The following DPYSL3 variants were observed in gnomAD, a reference collection of about 807,000 sequenced individuals.
DPYSL3 encodes the protein dihydropyrimidinase-related protein 3.
In DPYSL3, 16 loss-of-function variants were observed where a neutral mutation model predicts 66.1. The observed-to-expected ratio is 0.24, with a 90% CI of 0.16 to 0.37. DPYSL3 has a LOEUF of 0.37. DPYSL3 is among the 10% of genes least tolerant of loss of function. The probability of loss-of-function intolerance (pLI) is 1.00; values close to 1 mark genes in which losing one functional copy is unlikely to be tolerated. For missense variants in DPYSL3, 738 were observed against 916.2 expected, an observed-to-expected ratio of 0.81 and a Z score of 2.51; for synonymous variants, 338 against 345.1, an observed-to-expected ratio of 0.98 and a Z score of 0.23.
In DPYSL3 at chr5:147,394,158, A is replaced by G. The variant is rs756247241; in HGVS notation, c.1967-35T>C. ...GAAATAAATTCCCAGGGGGAAAAAA[A>G]AAACAGAGTGGCGGGTAGGGGGATG... On this transcript the variant is annotated intron_variant, in intron 13 of 13. Coordinates refer to ENST00000343218, the MANE Select transcript of DPYSL3 (RefSeq NM_001197294.2). 1.2e-5 allele frequency: 19 copies of G among 1,608,526 alleles called. No homozygotes were observed. The South Asian group carries it at 1.9e-4, about 16-fold the overall frequency.
At chr5:147,497,789 C>T (rs1753542911) in intron 1 of DPYSL3, among the ~76,000 whole-genome samples, 1 of 151,902 alleles carries the variant, frequency 6.6e-6, no homozygotes, top group Non-Finnish European at 1.5e-5. Flanking sequence ...AAACCTACAG[C>T]TAACATCATA....
intron 1 of DPYSL3, among the ~76,000 whole-genome samples, chr5:147,498,838 G>A (rs141536243): frequency 1.6e-4 from 25 of 152,102 alleles, no homozygotes; most frequent in African/African-American, 6.0e-4. Flanking sequence ...TATAGATGCT[G>A]GATATTAGAC....
At chr5:147,422,996 T>TATAATA (rs1056247284) in intron 2 of DPYSL3, among the ~76,000 whole-genome samples, 1 of 151,758 alleles carries the variant, frequency 6.6e-6, no homozygotes, top group African/African-American at 2.4e-5. Flanking sequence ...GAACTTAAAG[T>TATAATA]ATAATAATAA....
Position 147,412,701 on chromosome 5 carries a change from T to A in DPYSL3, c.883-13A>T. On this transcript the variant is annotated splice_polypyrimidine_tract_variant and intron_variant, in intron 5 of 13. Coordinates refer to ENST00000343218, the MANE Select transcript of DPYSL3 (RefSeq NM_001197294.2). ...AGATCTCATAGAGCTGAAATAGAAATGAGTCTTTGTCACTCTTGCAAGCAC... is the reference window on the plus strand; with the variant it reads ...AGATCTCATAGAGCTGAAATAGAAAAGAGTCTTTGTCACTCTTGCAAGCAC... 6.2e-7 allele frequency: 1 copy of A among 1,605,610 alleles called. No individual in the cohort carries two copies. Among genetic ancestry groups the A allele is most frequent in the Non-Finnish European group, 8.5e-7 (1 of 1,175,202 alleles).
intron 1 of DPYSL3, among the ~76,000 whole-genome samples, chr5:147,454,950 A>G (rs1053529627): frequency 4.6e-5 from 7 of 152,238 alleles, no homozygotes; most frequent in African/African-American, 1.7e-4. Flanking sequence ...AACCAAAAAA[A>G]GACTTGCTAT....
At chr5:147,452,617 C>T (rs1375781256) in intron 1 of DPYSL3, among the ~76,000 whole-genome samples, 2 of 152,150 alleles carry the variant, frequency 1.3e-5, no homozygotes, top group African/African-American at 4.8e-5. Context: ...AGCGCATCAC[C>T]ACGGAATCCC....
intron 1 of DPYSL3, among the ~76,000 whole-genome samples, chr5:147,439,285 G>A (rs1284306242): frequency 1.3e-5 from 2 of 152,122 alleles, no homozygotes; most frequent in Admixed American, 6.5e-5. Context: ...TGGAGGCTGG[G>A]AAGAGAGTCT....
chr5:147,484,704 C>T (rs533128088), intron 1 of DPYSL3, among the ~76,000 whole-genome samples: 1 of 152,132 alleles, frequency 6.6e-6, no homozygotes, highest in Non-Finnish European at 1.5e-5. Flanking sequence ...GTTAAAAAAT[C>T]GAGGCATATA....
intron 2 of DPYSL3, among the ~76,000 whole-genome samples, chr5:147,423,145 T>G (rs1244328175): frequency 5.9e-5 from 9 of 152,338 alleles, no homozygotes; most frequent in Admixed American, 5.9e-4. Context: ...CTATATATAA[T>G]AATTTTTTAG....
intron 2 of DPYSL3, among the ~76,000 whole-genome samples, chr5:147,420,590 C>T (rs1752059042): frequency 6.6e-6 from 1 of 152,146 alleles, no homozygotes; most frequent in South Asian, 2.1e-4. Context: ...TGGCACATAA[C>T]AAGTATTCCA....
rs1043249446 is a variant in DPYSL3 at position 147,416,010 on chromosome 5, C to T, written c.656-137G>A. On this transcript the variant is annotated intron_variant, in intron 3 of 13. Coordinates refer to ENST00000343218, the MANE Select transcript of DPYSL3 (RefSeq NM_001197294.2). ...CATGGAATTAACTTTTGAAGGGGTT[C>T]CCTGATAGTTTCAAGAATGCTGATC... The T allele has an allele frequency of 1.1e-5, 11 of 975,634 alleles. No individual in the cohort carries two copies. The African/African-American group carries it at 1.5e-4, about 13-fold the overall frequency. 60.4% of individuals were successfully genotyped at this position (975,634 alleles called of 1,614,324 possible). A position where few individuals can be genotyped will look rare whatever the true frequency, so the allele number is the denominator to read the frequency against.
Position 147,395,731 on chromosome 5 carries a change from G to A in DPYSL3, c.1804-10C>T. The A allele has an allele frequency of 1.2e-6, 2 of 1,613,428 alleles. No individual in the cohort carries two copies. The highest frequency in any genetic ancestry group is 1.7e-6 in the Non-Finnish European group (2 of 1,179,990). Reference sequence around the variant, plus strand: ...CATGCAGGTCTGCCATCTGCAGCCAGAGAAGAGCATGTCACCATTCATTCA... The same window carrying A: ...CATGCAGGTCTGCCATCTGCAGCCAAAGAAGAGCATGTCACCATTCATTCA... On this transcript the variant is annotated splice_polypyrimidine_tract_variant and intron_variant, in intron 12 of 13. Coordinates refer to ENST00000343218, the MANE Select transcript of DPYSL3 (RefSeq NM_001197294.2).
intron 13 of DPYSL3, 71 bp downstream of exon 13, chr5:147,395,485 ACAC>A: frequency 1.3e-6 from 2 of 1,521,560 alleles, no homozygotes; most frequent in East Asian, 4.9e-5. Flanking sequence ...GTTCTGAGGA[ACAC>A]CCTGTGGCCT....
intron 1 of DPYSL3, among the ~76,000 whole-genome samples, chr5:147,467,441 A>T (rs1386026377): frequency 6.6e-6 from 1 of 152,208 alleles, no homozygotes; most frequent in South Asian, 2.1e-4. Flanking sequence ...AAAATGAAGG[A>T]AACCTGCCCA....
intron 1 of DPYSL3, among the ~76,000 whole-genome samples, chr5:147,474,959 G>A (rs574569458): frequency 2.4e-4 from 36 of 151,966 alleles, no homozygotes; most frequent in Non-Finnish European, 4.0e-4. Context: ...TTAAAGGAGA[G>A]TATGTATGAA....
chr5:147,510,018 C>T lies in DPYSL3; in HGVS notation c.-160G>A, dbSNP rs1474586526. ...TGCTCCGATTCCTGCTTGTCCCTAG[C>T]GAGCCAGCGAGCCACACAGCCAGCT... On this transcript the variant is annotated 5_prime_UTR_variant, in exon 1 of 14. Transcript: ENST00000343218. 1 of 1,202,714 alleles carries T rather than the reference C, an allele frequency of 8.3e-7. No individual in the cohort carries two copies. Among genetic ancestry groups the T allele is most frequent in the Non-Finnish European group, 1.1e-6 (1 of 899,178 alleles). 74.5% of individuals were successfully genotyped at this position (1,202,714 alleles called of 1,614,324 possible). A position where few individuals can be genotyped will look rare whatever the true frequency, so the allele number is the denominator to read the frequency against.
chr5:147,407,909 T>G (rs1751741832), intron 7 of DPYSL3, among the ~76,000 whole-genome samples: 1 of 152,208 alleles, frequency 6.6e-6, no homozygotes, highest in Non-Finnish European at 1.5e-5. Flanking sequence ...ATCTGGTTTG[T>G]GAAAATTCAT....
intron 12 of DPYSL3, 83 bp downstream of exon 12, chr5:147,397,583 T>C (rs1415554137): frequency 1.0e-5 from 14 of 1,386,832 alleles, no homozygotes; most frequent in African/African-American, 1.4e-5. Context: ...GAGATCACAG[T>C]GCCCTGTGTT....
chr5:147,410,457 C>T (rs76786382), intron 6 of DPYSL3, among the ~76,000 whole-genome samples: 2,972 of 152,210 alleles, frequency 0.02, 95 homozygotes, highest in African/African-American at 0.068. Flanking sequence ...AGTAAAGCCC[C>T]ACTGATGCTA....
Sources: allele counts gnomAD v4.1 joint callset (sites outside exome capture counted in the v4.1 genomes callset), GRCh38; gene constraint gnomAD v4.1.1; transcripts MANE v1.5; gene names NCBI Gene and HGNC (gene_info 2026-07-23, HGNC 2026-07-21).